SEPTIN7: variants seen among roughly 807,000 people sequenced by gnomAD.
SEPTIN7 encodes the protein septin-7.
A neutral mutation model predicts 63.3 loss-of-function variants in SEPTIN7; 10 were observed. The observed-to-expected ratio is 0.16, with a 90% CI of 0.10 to 0.27. SEPTIN7 has a LOEUF of 0.27. Ranked by LOEUF, SEPTIN7 falls within the 10% of genes least tolerant of loss-of-function variation. The probability of loss-of-function intolerance (pLI) is 1.00; values close to 1 mark genes in which losing one functional copy is unlikely to be tolerated. For synonymous variants in SEPTIN7, 131 were observed against 165.3 expected (o/e 0.79, Z 1.59); for missense variants, 310 against 521.0 (o/e 0.59, Z 3.94).
chr7:35,875,999 A>T (rs185746100), intron 6 of SEPTIN7, among the ~76,000 whole-genome samples: 49 of 152,344 alleles, frequency 3.2e-4, no homozygotes, highest in African/African-American at 9.6e-4. Flanking sequence ...ATTCAACCAG[A>T]ATGTAATATA....
rs921766117 is a variant in SEPTIN7 at position 35,824,839 on chromosome 7, AATTTT to A, written c.62-6648_62-6644del. Reference sequence around the variant, plus strand: ...TATTTTATGTAATTGGGATATCTAAAATTTTATTTCAACATGCAATCAGTATAAAA... The same window carrying A: ...TATTTTATGTAATTGGGATATCTAAAATTTCAACATGCAATCAGTATAAAA... On this transcript the variant is annotated intron_variant, in intron 1 of 13. Coordinates refer to ENST00000350320, the MANE Select transcript of SEPTIN7 (RefSeq NM_001788.6). Among the ~76,000 whole-genome samples the A allele has an allele frequency of 1.2e-3, 186 of 152,320 alleles. 1 individual carries two copies. The highest frequency in any genetic ancestry group is 4.4e-3 in the African/African-American group (182 of 41,574).
intron 6 of SEPTIN7, among the ~76,000 whole-genome samples, chr7:35,875,816 C>T (rs1786444942): frequency 6.6e-6 from 1 of 152,036 alleles, no homozygotes; most frequent in South Asian, 2.1e-4. Context: ...GTCATTTGCC[C>T]TGTGGTTGTT....
rs1165125839 is a variant in SEPTIN7 at position 35,834,706 on chromosome 7, CACTT to C, written c.169+1810_169+1813del. 1.7e-4 allele frequency among the ~76,000 whole-genome samples: 26 copies of C among 152,190 alleles called. No individual in the cohort carries two copies. In the East Asian group the frequency reaches 3.9e-3, roughly 23 times the overall value. ...ATAGGTGTAGTGCCTTATACATAGT[CACTT>C]ACTAAGTATCTAATCACTTAGTATC... On this transcript the variant is annotated intron_variant, in intron 3 of 13. Transcript: ENST00000350320.
rs1583665522 is a variant in SEPTIN7, at chr7:35,906,757, C to G, written c.*2464C>G. The G allele has an allele frequency of 4.6e-5, 7 of 152,216 alleles. No homozygotes were observed. The highest frequency in any genetic ancestry group is 8.8e-5 in the Non-Finnish European group (6 of 68,050). The allele number at this position is 152,216 out of a possible 1,614,324, so 9.4% of individuals were successfully genotyped here. On this transcript the variant is annotated 3_prime_UTR_variant, in exon 14 of 14. Coordinates refer to ENST00000350320, the MANE Select transcript of SEPTIN7 (RefSeq NM_001788.6). ...TGAGGAGATACCCATGCCTCTCAGA[C>G]TCATTAGCTGGGTGTCACATTACCA... is the stretch of plus-strand genomic sequence containing the variant.
intron 1 of SEPTIN7, among the ~76,000 whole-genome samples, chr7:35,803,988 G>A (rs888560211): frequency 2.0e-5 from 3 of 152,150 alleles, no homozygotes; most frequent in Non-Finnish European, 1.5e-5. Context: ...TGTGTACTAG[G>A]TGGGGAAGTA....
intron 1 of SEPTIN7, among the ~76,000 whole-genome samples, chr7:35,827,732 C>T (rs962569834): frequency 6.6e-6 from 1 of 152,140 alleles, no homozygotes; most frequent in African/African-American, 2.4e-5. Context: ...TTCAAGAGAC[C>T]TGCCTGCCTC....
intron 12 of SEPTIN7, chr7:35,902,269 A>G (rs1788369847): frequency 6.6e-6 from 1 of 151,752 alleles, no homozygotes; most frequent in South Asian, 2.1e-4. Context: ...TTACTTATCT[A>G]ATGATCTCTT....
chr7:35,860,951 G>GTA (rs1785471682), intron 3 of SEPTIN7, among the ~76,000 whole-genome samples: 1 of 152,086 alleles, frequency 6.6e-6, no homozygotes, highest in South Asian at 2.1e-4. Flanking sequence ...CATCCATTGA[G>GTA]TATATATTGG....
chr7:35,809,482 G>A (rs1302212513), intron 1 of SEPTIN7, among the ~76,000 whole-genome samples: 1 of 152,176 alleles, frequency 6.6e-6, no homozygotes, highest in African/African-American at 2.4e-5. Context: ...TTAAAGTCTA[G>A]GCCTGTGTTT....
chr7:35,884,592 T>C lies in SEPTIN7; in HGVS notation c.820+605T>C, dbSNP rs543253491. On this transcript the variant is annotated intron_variant, in intron 9 of 13. Coordinates refer to ENST00000350320, the MANE Select transcript of SEPTIN7 (RefSeq NM_001788.6). ...AATGAACCACCTGGAATCAAACATT[T>C]GGAGAGAAGGCCAGTCACTTTTATC... Among the ~76,000 whole-genome samples, 186 of 152,286 alleles carry C rather than the reference T, an allele frequency of 1.2e-3. 1 individual carries two copies. The highest frequency in any genetic ancestry group is 4.4e-3 in the African/African-American group (184 of 41,564).
rs898430618 is a variant in SEPTIN7, at chr7:35,882,387, A to G, written c.631-97A>G. On this transcript the variant is annotated intron_variant, in intron 7 of 13. Transcript: ENST00000350320. Reference sequence around the variant, plus strand: ...AAAAACAGTAAAGGATCTGGAACCAAGGACCCATATAGGAATCGAAGAGGC... The same window carrying G: ...AAAAACAGTAAAGGATCTGGAACCAGGGACCCATATAGGAATCGAAGAGGC... The G allele has an allele frequency of 6.8e-6, 6 of 883,582 alleles. No individual in the cohort carries two copies. The African/African-American group carries it at 1.0e-4, about 15-fold the overall frequency. 54.7% of individuals were successfully genotyped at this position (883,582 alleles called of 1,614,324 possible).
chr7:35,848,758 A>G (rs187836196), intron 3 of SEPTIN7, among the ~76,000 whole-genome samples: 5 of 152,344 alleles, frequency 3.3e-5, no homozygotes, highest in Non-Finnish European at 5.9e-5. Context: ...TTTCTAAATA[A>G]TCATGAAGAA....
chr7:35,871,575 A>G (rs1786152694), intron 4 of SEPTIN7, among the ~76,000 whole-genome samples: 1 of 152,184 alleles, frequency 6.6e-6, no homozygotes, highest in Admixed American at 6.5e-5. Flanking sequence ...GTTATTGGAT[A>G]GTGTGGCTAC....
chr7:35,893,109 C>G lies in SEPTIN7; in HGVS notation c.998+2316C>G, dbSNP rs939132304. Among the ~76,000 whole-genome samples, 72 of 152,210 alleles carry G rather than the reference C, an allele frequency of 4.7e-4. 1 individual carries two copies. The highest frequency in any genetic ancestry group is 1.7e-3 in the African/African-American group (71 of 41,546). On this transcript the variant is annotated intron_variant, in intron 11 of 13. Transcript: ENST00000350320. ...ATGGTGCTTTAGCTGATGTAAGGTG[C>G]TTTTCCTCATAGCTCAGTACATATC...
chr7:35,801,816 A>T (rs920769279), intron 1 of SEPTIN7, among the ~76,000 whole-genome samples: 2 of 151,692 alleles, frequency 1.3e-5, no homozygotes, highest in Admixed American at 1.3e-4. Context: ...AGAAGGATGC[A>T]CCAGGCTGAG....
intron 3 of SEPTIN7, among the ~76,000 whole-genome samples, chr7:35,839,623 G>C (rs897163119): frequency 1.3e-5 from 2 of 152,006 alleles, no homozygotes; most frequent in Non-Finnish European, 2.9e-5. Context: ...CGCTATCTCG[G>C]CTCACTGCAA....
chr7:35,885,934 T>G, intron 10 of SEPTIN7, 55 bp downstream of exon 10: 3 of 1,233,556 alleles, frequency 2.4e-6, no homozygotes, highest in Non-Finnish European at 3.5e-6. Flanking sequence ...TAAGTAAGAG[T>G]TGGACAGATT....
At chr7:35,839,162 G>T (rs545244435) in intron 3 of SEPTIN7, among the ~76,000 whole-genome samples, 48 of 152,148 alleles carry the variant, frequency 3.2e-4, no homozygotes, top group Non-Finnish European at 6.8e-4. Flanking sequence ...AGGAGGACCT[G>T]CCTTTTTGAA....
chr7:35,801,276 T>G lies in SEPTIN7; in HGVS notation c.61+6T>G, dbSNP rs533822918. ...CGTCAACAGCAGCACCATGGGTGAG[T>G]CTCAGCTTCGGGTGCCGCGACTTGG... On this transcript the variant is annotated splice_donor_region_variant and intron_variant, in intron 1 of 13. Coordinates refer to ENST00000350320, the MANE Select transcript of SEPTIN7 (RefSeq NM_001788.6). 46 of 1,381,562 alleles carry G rather than the reference T, an allele frequency of 3.3e-5. No individual in the cohort carries two copies. In the African/African-American group the frequency reaches 1.4e-3, roughly 43 times the overall value. 85.6% of individuals were successfully genotyped at this position (1,381,562 alleles called of 1,614,324 possible).
Sources: gnomAD v4.1 joint callset for allele counts (sites outside exome capture counted in the v4.1 genomes callset) on GRCh38, gnomAD v4.1.1 for gene constraint, MANE v1.5 for transcripts, NCBI Gene and HGNC (gene_info 2026-07-23, HGNC 2026-07-21) for gene names.